The following TGFBR3L variants were observed in gnomAD, a reference collection of about 807,000 sequenced individuals.
The protein encoded by TGFBR3L is transforming growth factor-beta receptor type 3-like protein.
A neutral mutation model predicts 20.4 loss-of-function variants in TGFBR3L; 21 were observed. That is an observed-to-expected ratio of 1.03 (90% CI 0.73 to 1.48). The LOEUF is 1.48. Ranked by LOEUF, TGFBR3L falls within the 40% of genes most tolerant of loss-of-function variation. The pLI, the probability that TGFBR3L is intolerant of heterozygous loss-of-function variation, is 0.00. For synonymous variants in TGFBR3L, 245 were observed against 244.2 expected, an observed-to-expected ratio of 1.00 and a Z score of -0.03; for missense variants, 479 against 498.0, an observed-to-expected ratio of 0.96 and a Z score of 0.36.
chr19:7,918,118 C>T lies in TGFBR3L; in HGVS notation c.945C>T (p.Ser315=). ...CCAGCGGTCCCCAGCCCAGGAGGTCCCAGTGAGGAAGGTAGGTATGGAGGT... is the reference window on the plus strand; with the variant it reads ...CCAGCGGTCCCCAGCCCAGGAGGTCTCAGTGAGGAAGGTAGGTATGGAGGT... Residue 315 remains serine (S), a synonymous_variant, in exon 5 of 6, where the codon TCC becomes TCT. Transcript: ENST00000565886. 4.6e-6 allele frequency: 7 copies of T among 1,535,232 alleles called. No individual in the cohort carries two copies. Among genetic ancestry groups the T allele is most frequent in the Non-Finnish European group, 6.1e-6 (7 of 1,146,310 alleles).
In TGFBR3L at chr19:7,916,168, C is replaced by T. The variant is rs1437825543; in HGVS notation, c.-100C>T. The T allele has an allele frequency of 2.1e-6, 3 of 1,460,796 alleles. No homozygotes were observed. The highest frequency in any genetic ancestry group is 1.4e-5 in the African/African-American group (1 of 70,698). The allele number at this position is 1,460,796 out of a possible 1,614,324, so 90.5% of individuals were successfully genotyped here. On this transcript the variant is annotated 5_prime_UTR_variant, in exon 1 of 6. Coordinates refer to ENST00000565886, the MANE Select transcript of TGFBR3L (RefSeq NM_001195259.2). ...CCAGCTTCGGAGGCTTCTCTAGGGG[C>T]GCATGGCTCTGCAACCGGCTCAGTT...
chr19:7,916,286 G>T lies in TGFBR3L; in HGVS notation c.19G>T (p.Ala7Ser), dbSNP rs1217542369. The change falls in exon 1 of 6, where the codon GCA becomes TCA. Residue 7 changes from alanine (A) to serine (S), a missense_variant. By Grantham distance (99) the Ala-to-Ser change is moderately conservative. Transcript: ENST00000565886. Reference sequence around the variant, plus strand: ...GCCCATCATGGGTGAATCGGCCGCCGCAACCGCATCCCTTTTCCAAAGGCG... The same window carrying T: ...GCCCATCATGGGTGAATCGGCCGCCTCAACCGCATCCCTTTTCCAAAGGCG... 13 of 1,535,070 alleles carry T rather than the reference G, an allele frequency of 8.5e-6. No homozygotes were observed. The East Asian group carries it at 3.2e-4, about 38-fold the overall frequency.
chr19:7,916,933 G>T lies in TGFBR3L; in HGVS notation c.588G>T (p.Pro196=). The change falls in exon 2 of 6, where the codon CCG becomes CCT. Residue 196 remains proline (P), a synonymous_variant. Transcript: ENST00000565886. ...CTCTGACGCCGCCGCCGCCGCCGCC[G>T]CCATCGCGGGTGCGCGGGCGCAGAG... 1 of 1,289,556 alleles carries T rather than the reference G, an allele frequency of 7.8e-7. No individual in the cohort carries two copies. Among genetic ancestry groups the T allele is most frequent in the Non-Finnish European group, 9.7e-7 (1 of 1,026,808 alleles). The allele number at this position is 1,289,556 out of a possible 1,614,324, so 79.9% of individuals were successfully genotyped here. A position where few individuals can be genotyped will look rare whatever the true frequency, so the allele number is the denominator to read the frequency against.
Position 7,917,734 on chromosome 19 carries a change from G to T in TGFBR3L, c.758G>T (p.Arg253Leu). 7.0e-7 allele frequency: 1 copy of T among 1,425,716 alleles called. No homozygotes were observed. The allele number at this position is 1,425,716 out of a possible 1,614,324, so 88.3% of individuals were successfully genotyped here. A position where few individuals can be genotyped will look rare whatever the true frequency, so the allele number is the denominator to read the frequency against. The change falls in exon 4 of 6, where the codon CGC becomes CTC. Residue 253 changes from arginine to leucine, a missense_variant. Physicochemically the swap from Arg to Leu is moderately radical, Grantham distance 102 (BLOSUM62 -2). Coordinates refer to ENST00000565886, the MANE Select transcript of TGFBR3L (RefSeq NM_001195259.2). The stretch of plus-strand genomic sequence containing the variant: ...AAGAGTGTCCCCGGCCGTGCAGTGC[G>T]CCCTGAGCCTCCCGCGCCGGCCCCC...
chr19:7,917,937 G>T, intron 4 of TGFBR3L, 78 bp downstream of exon 5: 1 of 1,395,286 alleles, frequency 7.2e-7, no homozygotes, highest in Non-Finnish European at 9.2e-7. Context: ...GATCCCGCCT[G>T]CGGGGCCTGA....
chr19:7,919,019 G>A lies in TGFBR3L; in HGVS notation c.*108G>A, dbSNP rs2145158790. ...CCTCCCTGGACCTCGGACCTGATGA[G>A]GCCACGACCCCTGCGCTTCTCTCCT... is the stretch of plus-strand genomic sequence containing the variant. On this transcript the variant is annotated 3_prime_UTR_variant, in exon 6 of 6. Coordinates refer to ENST00000565886, the MANE Select transcript of TGFBR3L (RefSeq NM_001195259.2). The A allele has an allele frequency of 7.5e-6, 3 of 398,876 alleles. No homozygotes were observed. The East Asian group carries it at 1.1e-4, about 14-fold the overall frequency. 24.7% of individuals were successfully genotyped at this position (398,876 alleles called of 1,614,324 possible).
intron 2 of TGFBR3L, 37 bp downstream of exon 3, chr19:7,916,979 G>T: frequency 7.9e-7 from 1 of 1,271,862 alleles, no homozygotes; most frequent in Non-Finnish European, 9.9e-7. Flanking sequence ...GGGCGCTGGG[G>T]CCCTTCGGGG....
intron 2 of TGFBR3L, among the ~76,000 whole-genome samples, 163 bp from the exon 4 acceptor site, chr19:7,917,310 T>C (rs947685259): frequency 1.3e-5 from 2 of 152,022 alleles, no homozygotes; most frequent in Non-Finnish European, 2.9e-5. Context: ...CTTGTATGCG[T>C]AGGGGCTGGG....
intron 5 of TGFBR3L, 86 bp downstream of exon 6, chr19:7,918,215 G>GT (rs1055844057): frequency 5.1e-6 from 7 of 1,372,724 alleles, no homozygotes; most frequent in East Asian, 2.6e-5. Flanking sequence ...AGGCACTGTG[G>GT]TTTTTTTGTT....
At position 7,917,769 on chromosome 19, in the gene TGFBR3L, G is replaced by T. The variant is rs1568286520; in HGVS notation, c.793G>T (p.Glu265Ter). 1.4e-6 allele frequency: 2 copies of T among 1,442,292 alleles called. No individual in the cohort carries two copies. Among genetic ancestry groups the T allele is most frequent in the East Asian group, 3.0e-5 (1 of 33,692 alleles). 89.3% of individuals were successfully genotyped at this position (1,442,292 alleles called of 1,614,324 possible). A position where few individuals can be genotyped will look rare whatever the true frequency, so the allele number is the denominator to read the frequency against. Residue 265 changes from glutamate to a stop codon, truncating the protein, a stop_gained, in exon 4 of 6, where the codon GAA (glutamate) becomes TAA (stop). Coordinates refer to ENST00000565886, the MANE Select transcript of TGFBR3L (RefSeq NM_001195259.2). LOFTEE classifies it high-confidence loss of function. ...TCCCGCGCCGGCCCCCGCGGCCCTG[G>T]AACCCGCGCCGGTGGTGGCGCTGGT...
In TGFBR3L at chr19:7,916,258, G is replaced by A. The variant is rs760990258; in HGVS notation, c.-10G>A. Reference sequence around the variant, plus strand: ...TCACCGTCAGGGGGGAAAGTGGCGCGGAGCCCATCATGGGTGAATCGGCCG... The same window carrying A: ...TCACCGTCAGGGGGGAAAGTGGCGCAGAGCCCATCATGGGTGAATCGGCCG... On this transcript the variant is annotated 5_prime_UTR_variant, in exon 1 of 6. Transcript: ENST00000565886. 9 of 1,531,428 alleles carry A rather than the reference G, an allele frequency of 5.9e-6. No homozygotes were observed. Among genetic ancestry groups the A allele is most frequent in the South Asian group, 1.2e-5 (1 of 83,722 alleles). 94.9% of individuals were successfully genotyped at this position (1,531,428 alleles called of 1,614,324 possible).
At position 7,916,433 on chromosome 19, in the gene TGFBR3L, C is replaced by A. The variant is rs1354603838; in HGVS notation, c.166C>A (p.Pro56Thr). Residue 56 changes from proline to threonine, a missense_variant, in exon 1 of 6, where the codon CCC becomes ACC. By Grantham distance (38) the Pro-to-Thr change is conservative. Coordinates refer to ENST00000565886, the MANE Select transcript of TGFBR3L (RefSeq NM_001195259.2). ...TCCCCCGTTCCCCGCGGCGCCCGGCCCCTGGCTGCGCAGACCCCTCTTCAG... is the reference window on the plus strand; with the variant it reads ...TCCCCCGTTCCCCGCGGCGCCCGGCACCTGGCTGCGCAGACCCCTCTTCAG... The A allele has an allele frequency of 1.5e-5, 23 of 1,534,616 alleles. No homozygotes were observed. Among genetic ancestry groups the A allele is most frequent in the Non-Finnish European group, 1.9e-5 (22 of 1,146,262 alleles).
Position 7,916,080 on chromosome 19 carries a change from C to T in TGFBR3L, c.-188C>T, listed in dbSNP as rs971614047. ...GGAAGGTGGGGGAGCTCTGACTTCA[C>T]CCAGCCGGACCCCACCATCGGGTGC... On this transcript the variant is annotated 5_prime_UTR_variant, in exon 1 of 6. Coordinates refer to ENST00000565886, the MANE Select transcript of TGFBR3L (RefSeq NM_001195259.2). The T allele has an allele frequency of 8.1e-7, 1 of 1,227,158 alleles. No individual in the cohort carries two copies. Among genetic ancestry groups the T allele is most frequent in the Non-Finnish European group, 1.1e-6 (1 of 913,710 alleles). The allele number at this position is 1,227,158 out of a possible 1,614,324, so 76.0% of individuals were successfully genotyped here. A position where few individuals can be genotyped will look rare whatever the true frequency, so the allele number is the denominator to read the frequency against.
chr19:7,919,088 G>T lies in TGFBR3L; in HGVS notation c.*177G>T. 1 of 398,844 alleles carries T rather than the reference G, an allele frequency of 2.5e-6. No individual in the cohort carries two copies. The highest frequency in any genetic ancestry group is 1.3e-4 in the South Asian group (1 of 7,858). The allele number at this position is 398,844 out of a possible 1,614,324, so 24.7% of individuals were successfully genotyped here. ...TGTGCTCAAAATAAACCTCTGGACTGACCGGCTAAGTTCTGGTGCAGTCAG... is the reference window on the plus strand; with the variant it reads ...TGTGCTCAAAATAAACCTCTGGACTTACCGGCTAAGTTCTGGTGCAGTCAG... On this transcript the variant is annotated 3_prime_UTR_variant, in exon 6 of 6. Transcript: ENST00000565886.
In TGFBR3L at chr19:7,917,754, GC is replaced by G; in HGVS notation, c.783del (p.Ala262ArgfsTer115). ...AGTGCGCCCTGAGCCTCCCGCGCCG[GC>G]CCCCGCGGCCCTGGAACCCGCGCCG... On this transcript the variant is annotated frameshift_variant, in exon 4 of 6. Transcript: ENST00000565886. LOFTEE classifies it high-confidence loss of function. 4.2e-6 allele frequency: 6 copies of G among 1,435,586 alleles called. No homozygotes were observed. The highest frequency in any genetic ancestry group is 2.9e-5 in the Admixed American group (1 of 34,518). The allele number at this position is 1,435,586 out of a possible 1,614,324, so 88.9% of individuals were successfully genotyped here.
Position 7,916,082 on chromosome 19 carries a change from C to G in TGFBR3L, c.-186C>G. 3.2e-6 allele frequency: 4 copies of G among 1,243,044 alleles called. No individual in the cohort carries two copies. The highest frequency in any genetic ancestry group is 4.3e-6 in the Non-Finnish European group (4 of 927,986). The allele number at this position is 1,243,044 out of a possible 1,614,324, so 77.0% of individuals were successfully genotyped here. On this transcript the variant is annotated 5_prime_UTR_variant, in exon 1 of 6. Transcript: ENST00000565886. ...AAGGTGGGGGAGCTCTGACTTCACC[C>G]AGCCGGACCCCACCATCGGGTGCTC...
intron 2 of TGFBR3L, 80 bp from the exon 4 acceptor site, chr19:7,917,393 C>T: frequency 2.0e-6 from 3 of 1,471,256 alleles, no homozygotes; most frequent in Non-Finnish European, 2.7e-6. Context: ...ACTCAGGTCT[C>T]TCTTGGGGGC....
chr19:7,917,887 C>A (rs1983386632), intron 4 of TGFBR3L, 28 bp downstream of exon 5: 1 of 1,371,292 alleles, frequency 7.3e-7, no homozygotes, highest in Non-Finnish European at 9.4e-7. Flanking sequence ...CAAGCCGGGC[C>A]CCCAGTCTAA....
chr19:7,916,700 C>A lies in TGFBR3L; in HGVS notation c.355C>A (p.Pro119Thr). The A allele has an allele frequency of 6.9e-7, 1 of 1,448,716 alleles. No individual in the cohort carries two copies. Among genetic ancestry groups the A allele is most frequent in the Non-Finnish European group, 9.0e-7 (1 of 1,109,910 alleles). 89.7% of individuals were successfully genotyped at this position (1,448,716 alleles called of 1,614,324 possible). A position where few individuals can be genotyped will look rare whatever the true frequency, so the allele number is the denominator to read the frequency against. Residue 119 changes from proline to threonine, a missense_variant, in exon 2 of 6, where the codon CCG (proline) becomes ACG (threonine). Coordinates refer to ENST00000565886, the MANE Select transcript of TGFBR3L (RefSeq NM_001195259.2). ...AGTGACGCCGTCCTCACGCCCGGCC[C>A]CGGGGCCCGCCCTGGCTCTGCTGCG... is the stretch of plus-strand genomic sequence containing the variant.
Sources: allele counts gnomAD v4.1 joint callset (sites outside exome capture counted in the v4.1 genomes callset), GRCh38; gene constraint gnomAD v4.1.1; transcripts MANE v1.5; gene names NCBI Gene and HGNC (gene_info 2026-07-23, HGNC 2026-07-21).